Variants in RPH3AL observed in about 807,000 individuals in gnomAD.
RPH3AL encodes the protein rabphilin 3A like (without C2 domains).
A neutral mutation model predicts 43.1 loss-of-function variants in RPH3AL; 38 were observed. The observed-to-expected ratio is 0.88, with a 90% CI of 0.68 to 1.15. RPH3AL has a LOEUF of 1.15. RPH3AL is among the 50% of genes most tolerant of loss of function. RPH3AL has a pLI of 0.00. For missense variants in RPH3AL, 462 were observed against 423.2 expected (o/e 1.09, Z -0.81); for synonymous variants, 189 against 176.3 (o/e 1.07, Z -0.57).
chr17:249,967 G>C (rs7225426), intron 6 of RPH3AL, among the ~76,000 whole-genome samples: 1 of 129,398 alleles, frequency 7.7e-6, no homozygotes, highest in African/African-American at 3.0e-5. Context: ...ACTAAGCTCC[G>C]TCGCTGCAGG....
At chr17:271,163 G>A (rs998579978) in intron 6 of RPH3AL, among the ~76,000 whole-genome samples, 2 of 152,190 alleles carry the variant, frequency 1.3e-5, no homozygotes, top group Non-Finnish European at 2.9e-5. Flanking sequence ...GTACCATGCT[G>A]TTTTGGTTAC....
chr17:329,782 G>A (rs1175674448), intron 2 of RPH3AL, among the ~76,000 whole-genome samples: 6 of 152,262 alleles, frequency 3.9e-5, no homozygotes, highest in South Asian at 2.1e-4. Flanking sequence ...AGGTTGTTTC[G>A]CTGAAGTCCT....
chr17:302,399 G>A (rs1340937494), intron 5 of RPH3AL, among the ~76,000 whole-genome samples: 1 of 152,196 alleles, frequency 6.6e-6, no homozygotes, highest in Admixed American at 6.5e-5. Context: ...TCCGTCCTTC[G>A]ATTTACACAA....
chr17:321,699 GCAC>G (rs1188530456), intron 3 of RPH3AL: 31 of 397,752 alleles, frequency 7.8e-5, no homozygotes, highest in South Asian at 3.5e-4. Context: ...CGGGGACAAG[GCAC>G]ATGGGCAACA....
chr17:266,889 G>A (rs2042338062), intron 6 of RPH3AL, among the ~76,000 whole-genome samples: 1 of 152,230 alleles, frequency 6.6e-6, no homozygotes. Context: ...GCAGAGGGAG[G>A]TGTTGCCCAA....
chr17:218,943 G>C (rs2040880304), intron 8 of RPH3AL, among the ~76,000 whole-genome samples: 1 of 152,130 alleles, frequency 6.6e-6, no homozygotes, highest in Admixed American at 6.5e-5. Context: ...ACTCTCAGTT[G>C]GGGAACGCTC....
chr17:269,094 G>C (rs1398353498), intron 6 of RPH3AL, among the ~76,000 whole-genome samples: 3 of 152,122 alleles, frequency 2.0e-5, no homozygotes, highest in Non-Finnish European at 4.4e-5. Flanking sequence ...TAGCCAGGAT[G>C]GTCTCGATCT....
chr17:309,500 T>C (rs72806060), intron 5 of RPH3AL, among the ~76,000 whole-genome samples: 245 of 25,264 alleles, frequency 9.7e-3, no homozygotes, highest in East Asian at 0.016. Context: ...GTCCGGGATA[T>C]GGCATGTCCC....
intron 7 of RPH3AL, among the ~76,000 whole-genome samples, chr17:241,235 C>T (rs181668374): frequency 4.0e-5 from 6 of 151,780 alleles, no homozygotes; most frequent in African/African-American, 1.4e-4. Context: ...ACAAAATATA[C>T]GAATTTAAAA....
chr17:343,977 T>TGGTTATTATTAAAAATAAA (rs1567540402), intron 1 of RPH3AL, among the ~76,000 whole-genome samples: 5 of 41,404 alleles, frequency 1.2e-4, no homozygotes, highest in Non-Finnish European at 1.9e-4. Flanking sequence ...GTCATCATCA[T>TGGTTATTATTAAAAATAAA]TACCATCACC....
intron 5 of RPH3AL, among the ~76,000 whole-genome samples, chr17:303,281 C>CCATCTCAGCCCCAGTCTCAG (rs1345342668): frequency 1.3e-5 from 2 of 152,024 alleles, no homozygotes; most frequent in East Asian, 3.9e-4. Flanking sequence ...GTCCCAGCTG[C>CCATCTCAGCCCCAGTCTCAG]CCGGGAGGCT....
In RPH3AL at chr17:294,210, A is replaced by G. The variant is rs114614230; in HGVS notation, c.352-12356T>C. Among the ~76,000 whole-genome samples, 242 of 152,106 alleles carry G rather than the reference A, an allele frequency of 1.6e-3. 2 individuals carry two copies. The highest frequency in any genetic ancestry group is 5.3e-3 in the African/African-American group (220 of 41,458). On this transcript the variant is annotated intron_variant, in intron 5 of 9. Transcript: ENST00000331302. ...GGTGTGAGGAGTGCTGATGGGATGA[A>G]GAGACGTACAAACGCCAGCATGGGA...
At chr17:302,905 A>G (rs1205514761) in intron 5 of RPH3AL, among the ~76,000 whole-genome samples, 1 of 152,248 alleles carries the variant, frequency 6.6e-6, no homozygotes, top group Non-Finnish European at 1.5e-5. Flanking sequence ...TGGGAGAAGG[A>G]CAAACACCCA....
intron 2 of RPH3AL, among the ~76,000 whole-genome samples, chr17:327,837 G>T (rs1041740747): frequency 5.3e-5 from 8 of 152,176 alleles, no homozygotes; most frequent in Non-Finnish European, 1.5e-5. Context: ...GACTGGCAGG[G>T]CATCAAAAGG....
chr17:265,934 G>A (rs781470634), intron 6 of RPH3AL, among the ~76,000 whole-genome samples: 4 of 152,184 alleles, frequency 2.6e-5, no homozygotes, highest in African/African-American at 4.8e-5. Flanking sequence ...GTGAGTCTCC[G>A]CTCACGGCGG....
chr17:339,712 C>G (rs2045061002), intron 1 of RPH3AL: 1 of 152,280 alleles, frequency 6.6e-6, no homozygotes, highest in African/African-American at 2.4e-5. Flanking sequence ...CTCCTCCTCC[C>G]AAGGCGTCGG....
At chr17:258,896 G>T (rs1331321542) in intron 6 of RPH3AL, among the ~76,000 whole-genome samples, 1 of 151,714 alleles carries the variant, frequency 6.6e-6, no homozygotes, top group African/African-American at 2.4e-5. Flanking sequence ...GAGTAGCCAG[G>T]ACCACAGCAA....
intron 7 of RPH3AL, among the ~76,000 whole-genome samples, chr17:243,896 T>C (rs2041665633): frequency 6.6e-6 from 1 of 151,434 alleles, no homozygotes; most frequent in African/African-American, 2.4e-5. Flanking sequence ...TTACACTTCC[T>C]CTATTACCTT....
At chr17:299,780 C>G (rs2043276295) in intron 5 of RPH3AL, among the ~76,000 whole-genome samples, 1 of 152,244 alleles carries the variant, frequency 6.6e-6, no homozygotes, top group Non-Finnish European at 1.5e-5. Flanking sequence ...AGAGGCTGCA[C>G]AAAATTACCG....
Sources: gnomAD v4.1 joint callset for allele counts (sites outside exome capture counted in the v4.1 genomes callset) on GRCh38, gnomAD v4.1.1 for gene constraint, MANE v1.5 for transcripts, NCBI Gene and HGNC (gene_info 2026-07-23, HGNC 2026-07-21) for gene names.